The following FBXO15 variants were observed in gnomAD, a reference collection of about 807,000 sequenced individuals.
The protein encoded by FBXO15 is F-box protein 15, also known as F-box only protein 15.
In FBXO15, 30 loss-of-function variants were observed where a neutral mutation model predicts 49.5. That is an observed-to-expected ratio of 0.61 (90% confidence interval 0.45 to 0.82). The LOEUF (loss-of-function observed/expected upper bound fraction) is 0.82, where lower values mean the gene tolerates loss of function less well. FBXO15 is among the 40% of genes least tolerant of loss of function. The pLI is 0.00. For missense variants in FBXO15, 591 were observed against 631.5 expected, an observed-to-expected ratio of 0.94 and a Z score of 0.69; for synonymous variants, 250 against 232.7, an observed-to-expected ratio of 1.07 and a Z score of -0.68.
At chr18:74,109,881 T>C (rs1913932428) in intron 8 of FBXO15, among the ~76,000 whole-genome samples, 1 of 151,864 alleles carries the variant, frequency 6.6e-6, no homozygotes, top group African/African-American at 2.4e-5. Context: ...CTAATGTAGA[T>C]GACGAGTTGA....
chr18:74,119,292 C>T (rs1442920331), intron 8 of FBXO15, among the ~76,000 whole-genome samples: 3 of 152,166 alleles, frequency 2.0e-5, no homozygotes, highest in Admixed American at 2.0e-4. Context: ...AGATAACAGG[C>T]CCAGAAGAGT....
chr18:74,104,558 C>CGTTT (rs1913663004), intron 8 of FBXO15, among the ~76,000 whole-genome samples: 1 of 152,010 alleles, frequency 6.6e-6, no homozygotes, highest in Non-Finnish European at 1.5e-5. Flanking sequence ...TGAAGACACA[C>CGTTT]GTTTACTGAA....
At chr18:74,138,711 A>G (rs1415537633) in intron 2 of FBXO15, among the ~76,000 whole-genome samples, 1 of 152,054 alleles carries the variant, frequency 6.6e-6, no homozygotes, top group African/African-American at 2.4e-5. Flanking sequence ...CAAAGTCATT[A>G]TCATGGCCCT....
intron 8 of FBXO15, among the ~76,000 whole-genome samples, chr18:74,102,767 T>C (rs1305861334): frequency 6.6e-6 from 1 of 152,176 alleles, no homozygotes; most frequent in Non-Finnish European, 1.5e-5. Context: ...AATGGAATAC[T>C]ACTCAGCATA....
intron 8 of FBXO15, among the ~76,000 whole-genome samples, chr18:74,110,898 C>A (rs1913996854): frequency 1.3e-5 from 2 of 152,126 alleles, no homozygotes; most frequent in South Asian, 4.1e-4. Context: ...AACAGAACAT[C>A]AAAATATCTG....
intron 1 of FBXO15, 168 bp downstream of exon 1, chr18:74,147,502 G>A (rs749064266): frequency 1.6e-6 from 2 of 1,241,044 alleles, no homozygotes; most frequent in Middle Eastern, 3.1e-4. Context: ...ACCCCACGTT[G>A]CAGGGTAGAA....
intron 7 of FBXO15, 30 bp from the exon 8 acceptor site, chr18:74,123,540 A>G: frequency 1.3e-6 from 2 of 1,578,294 alleles, no homozygotes; most frequent in Non-Finnish European, 1.7e-6. Context: ...AAACATACAA[A>G]TTTGTCAACA....
intron 8 of FBXO15, among the ~76,000 whole-genome samples, chr18:74,085,723 T>C (rs1912708655): frequency 6.6e-6 from 1 of 152,220 alleles, no homozygotes; most frequent in Non-Finnish European, 1.5e-5. Flanking sequence ...GAAAGTCTTT[T>C]CACAAATGGT....
At chr18:74,119,068 G>A (rs2145180975) in intron 8 of FBXO15, among the ~76,000 whole-genome samples, 1 of 152,290 alleles carries the variant, frequency 6.6e-6, no homozygotes, top group East Asian at 1.9e-4. Context: ...GCGGGATGAG[G>A]GCAGGGCTTC....
At chr18:74,092,859 G>A (rs568398726) in intron 8 of FBXO15, among the ~76,000 whole-genome samples, 4 of 152,126 alleles carry the variant, frequency 2.6e-5, no homozygotes, top group African/African-American at 4.8e-5. Context: ...TTGCATGGGC[G>A]AGCAGCAGCA....
intron 6 of FBXO15, among the ~76,000 whole-genome samples, chr18:74,125,732 A>G (rs1176699148): frequency 1.3e-5 from 2 of 152,248 alleles, no homozygotes; most frequent in African/African-American, 4.8e-5. Flanking sequence ...GTTGTTGTCT[A>G]TGATAGCAGA....
At chr18:74,090,800 T>C (rs1912990768) in intron 8 of FBXO15, among the ~76,000 whole-genome samples, 4 of 152,186 alleles carry the variant, frequency 2.6e-5, no homozygotes. Context: ...TATTTTCATT[T>C]GCTGATGATT....
intron 4 of FBXO15, 84 bp from the exon 5 acceptor site, chr18:74,129,698 A>C: frequency 1.8e-6 from 2 of 1,141,546 alleles, no homozygotes; most frequent in Non-Finnish European, 2.5e-6. Flanking sequence ...TCTTCTCTAA[A>C]GCATCTAGTT....
At chr18:74,098,733 G>A (rs1913389455) in intron 8 of FBXO15, 1 of 152,172 alleles carries the variant, frequency 6.6e-6, no homozygotes, top group African/African-American at 2.4e-5. Flanking sequence ...CCTTGCTAGA[G>A]ACCTAGACAT....
In FBXO15 at chr18:74,129,535, T is replaced by A. The variant is rs1978313057; in HGVS notation, c.655A>T (p.Ile219Leu). 6.2e-7 allele frequency: 1 copy of A among 1,613,646 alleles called. No homozygotes were observed. Among genetic ancestry groups the A allele is most frequent in the African/African-American group, 1.3e-5 (1 of 74,906 alleles). ...ATAACAGTAACTGATGTGTCATTTA[T>A]GGAAAGATCAACATGCTCCATGATA... is the stretch of plus-strand genomic sequence containing the variant. ...EYIMEHVDLS[I>L]NDTSVTVIWY... Residue 219 changes from isoleucine to leucine, a missense_variant, in exon 5 of 10, where the codon ATA becomes TTA. By Grantham distance (5) the Ile-to-Leu change is conservative. Coordinates refer to ENST00000419743, the MANE Select transcript of FBXO15 (RefSeq NM_001142958.2).
Position 74,073,526 on chromosome 18 carries a change from TA to T in FBXO15, c.1467del (p.Ile490LeufsTer32). 1 of 1,614,178 alleles carries T rather than the reference TA, an allele frequency of 6.2e-7. No individual in the cohort carries two copies. Among genetic ancestry groups the T allele is most frequent in the Non-Finnish European group, 8.5e-7 (1 of 1,180,036 alleles). ...LVWIRETEEY[L>X]IVNLVLYLSI... ...CTAAGATAAAGGACCAGGTTGACAA[TA>T]AGGTATTCTTCGGTCTCTCTGATCC... On this transcript the variant is annotated frameshift_variant, in exon 10 of 10. Coordinates refer to ENST00000419743, the MANE Select transcript of FBXO15 (RefSeq NM_001142958.2). LOFTEE classifies it high-confidence loss of function.
chr18:74,097,394 T>TG (rs1356070348), intron 8 of FBXO15: 1 of 5,724 alleles, frequency 1.7e-4, no homozygotes, highest in Admixed American at 2.2e-3. Flanking sequence ...GTTGGGGGGT[T>TG]GGGGGGTTGG....
At chr18:74,110,855 G>C (rs1038374882) in intron 8 of FBXO15, among the ~76,000 whole-genome samples, 1 of 152,136 alleles carries the variant, frequency 6.6e-6, no homozygotes, top group Non-Finnish European at 1.5e-5. Flanking sequence ...TTTCCAAAAT[G>C]CCATAACAAT....
At chr18:74,078,088 C>T (rs982231096) in intron 9 of FBXO15, among the ~76,000 whole-genome samples, 5 of 152,078 alleles carry the variant, frequency 3.3e-5, no homozygotes, top group Non-Finnish European at 5.9e-5. Flanking sequence ...TTGGTGAGGA[C>T]GCTGCTCACA....
Sources: allele counts gnomAD v4.1 joint callset (sites outside exome capture counted in the v4.1 genomes callset), GRCh38; gene constraint gnomAD v4.1.1; transcripts MANE v1.5; gene names NCBI Gene and HGNC (gene_info 2026-07-23, HGNC 2026-07-21).